Variants in PPIP5K1 observed in about 807,000 individuals in gnomAD.
The protein encoded by PPIP5K1 is inositol hexakisphosphate and diphosphoinositol-pentakisphosphate kinase 1.
A neutral mutation model predicts 27.7 loss-of-function variants in PPIP5K1; 6 were observed. The ratio of observed to expected loss-of-function variants is 0.22; its 90% CI spans 0.12 to 0.43. The LOEUF is 0.43. Ranked by LOEUF, PPIP5K1 falls within the 20% of genes least tolerant of loss-of-function variation. The pLI, the probability that PPIP5K1 is intolerant of heterozygous loss-of-function variation, is 1.00. For missense variants in PPIP5K1, 394 were observed against 635.4 expected, an observed-to-expected ratio of 0.62 and a Z score of 4.08; for synonymous variants, 145 against 242.6, an observed-to-expected ratio of 0.60 and a Z score of 3.74.
chr15:43,541,663 G>T (rs1190781121), intron 30 of PPIP5K1, among the ~76,000 whole-genome samples: 5 of 151,588 alleles, frequency 3.3e-5, no homozygotes, highest in Admixed American at 3.3e-4. Flanking sequence ...GGCAGAGGTT[G>T]CAGTAAGCCA....
At chr15:43,542,176 C>A (rs1466012200) in intron 30 of PPIP5K1, among the ~76,000 whole-genome samples, 2 of 152,096 alleles carry the variant, frequency 1.3e-5, no homozygotes, top group African/African-American at 4.8e-5. Context: ...TACTGAACTA[C>A]AGTTCTCACT....
At chr15:43,579,627 GTGTGTA>G (rs1439014002) in intron 10 of PPIP5K1, among the ~76,000 whole-genome samples, 1 of 59,212 alleles carries the variant, frequency 1.7e-5, no homozygotes, top group Non-Finnish European at 2.6e-5. Context: ...GTGTGTGTGT[GTGTGTA>G]TATATATATA....
chr15:43,539,616 GA>G, intron 30 of PPIP5K1, 33 bp from the exon 31 acceptor site: 3 of 1,343,486 alleles, frequency 2.2e-6, no homozygotes, highest in Admixed American at 2.1e-5. Context: ...GGAGAGGGAA[GA>G]AAAAAAGACA....
intron 30 of PPIP5K1, among the ~76,000 whole-genome samples, chr15:43,547,554 T>C (rs1205988310): frequency 6.6e-6 from 1 of 152,216 alleles, no homozygotes; most frequent in African/African-American, 2.4e-5. Context: ...TAGGGGTGAA[T>C]GAGTTCTTTT....
At chr15:43,556,955 A>G (rs2083041604) in intron 30 of PPIP5K1, among the ~76,000 whole-genome samples, 1 of 152,132 alleles carries the variant, frequency 6.6e-6, no homozygotes. Context: ...AGTTCTCACA[A>G]TGTTGGTTCT....
chr15:43,553,174 T>C (rs1221823638), intron 30 of PPIP5K1, among the ~76,000 whole-genome samples: 1 of 152,248 alleles, frequency 6.6e-6, no homozygotes, highest in African/African-American at 2.4e-5. Flanking sequence ...CTTTTTAAAA[T>C]TTATAGATAC....
rs537938276 is a variant in PPIP5K1 at position 43,539,249 on chromosome 15, T to C, written c.3670+221A>G. 7.3e-5 allele frequency among the ~76,000 whole-genome samples: 11 copies of C among 150,724 alleles called. No homozygotes were observed. The South Asian group carries it at 2.3e-3, about 32-fold the overall frequency. ...ATACTGCAGAAAACCTTCTCTCCAA[T>C]GAAATAGAAGGAACATGGAGAACAG... On this transcript the variant is annotated intron_variant, in intron 31 of 31. Transcript: ENST00000420765.
chr15:43,538,234 T>C (rs2080170025), intron 31 of PPIP5K1, among the ~76,000 whole-genome samples: 1 of 152,152 alleles, frequency 6.6e-6, no homozygotes, highest in African/African-American at 2.4e-5. Flanking sequence ...ATGAAAGGCA[T>C]ATTTGATTTC....
At chr15:43,552,528 T>TAAAAAAAAAA (rs535937209) in intron 30 of PPIP5K1, among the ~76,000 whole-genome samples, 1 of 69,398 alleles carries the variant, frequency 1.4e-5, no homozygotes, top group Non-Finnish European at 3.4e-5. Context: ...TCTGTCTCTA[T>TAAAAAAAAAA]AAAAAAAAAA....
intron 31 of PPIP5K1, 91 bp from the exon 32 acceptor site, chr15:43,535,567 T>G: frequency 2.0e-6 from 2 of 1,024,242 alleles, no homozygotes; most frequent in Non-Finnish European, 2.8e-6. Context: ...ATTGTTGGCC[T>G]ATGCTACTTA....
rs747492516 is a variant in PPIP5K1, at chr15:43,535,340, C to T, written c.3807G>A (p.Gly1269=). 12 of 1,614,168 alleles carry T rather than the reference C, an allele frequency of 7.4e-6. No homozygotes were observed. Among genetic ancestry groups the T allele is most frequent in the Non-Finnish European group, 1.0e-5 (12 of 1,180,034 alleles). Residue 1269 remains glycine, a synonymous_variant, in exon 32 of 32, where the codon GGG becomes GGA. Coordinates refer to ENST00000420765, the MANE Select transcript of PPIP5K1 (RefSeq NM_001394395.1). ...SHVAEEHQGL[G]LLQETPGSGA... ...CACTCCCAGGGGTCTCCTGGAGCAG[C>T]CCAAGGCCTTGATGTTCTTCAGCCA...
chr15:43,535,680 G>A (rs150718053), intron 31 of PPIP5K1, among the ~76,000 whole-genome samples: 9 of 152,286 alleles, frequency 5.9e-5, no homozygotes, highest in African/African-American at 2.2e-4. Context: ...TACTTTGAGA[G>A]TAACAATAAG....
At chr15:43,545,930 A>C (rs1220308193) in intron 30 of PPIP5K1, among the ~76,000 whole-genome samples, 2 of 152,124 alleles carry the variant, frequency 1.3e-5, no homozygotes, top group Non-Finnish European at 2.9e-5. Flanking sequence ...TCCATTAAGA[A>C]GTCAATCCCG....
chr15:43,547,848 T>C (rs2081567740), intron 30 of PPIP5K1, among the ~76,000 whole-genome samples: 1 of 152,248 alleles, frequency 6.6e-6, no homozygotes, highest in Middle Eastern at 3.2e-3. Flanking sequence ...TACAGTTCCC[T>C]ATGAATTAGA....
chr15:43,550,702 C>G (rs1418109457), intron 30 of PPIP5K1, among the ~76,000 whole-genome samples: 1 of 152,136 alleles, frequency 6.6e-6, no homozygotes, highest in African/African-American at 2.4e-5. Flanking sequence ...AGAGGGAAAG[C>G]CTTCAGTGTT....
intron 30 of PPIP5K1, among the ~76,000 whole-genome samples, chr15:43,555,301 G>A (rs911626168): frequency 6.6e-6 from 1 of 151,818 alleles, no homozygotes; most frequent in Non-Finnish European, 1.5e-5. Flanking sequence ...TTTGAGACAC[G>A]GTCTCAGTCT....
intron 31 of PPIP5K1, chr15:43,536,036 G>C: frequency 8.4e-7 from 1 of 1,194,124 alleles, no homozygotes; most frequent in Non-Finnish European, 1.1e-6. Context: ...ATGTATTTCT[G>C]GGGCAGAGGT....
At chr15:43,565,511 G>C (rs969371942) in intron 26 of PPIP5K1, among the ~76,000 whole-genome samples, 1 of 139,928 alleles carries the variant, frequency 7.1e-6, no homozygotes, top group Non-Finnish European at 1.5e-5. Flanking sequence ...CTCCCTTCAG[G>C]CCTTTTGACC....
chr15:43,547,195 C>A (rs921368454), intron 30 of PPIP5K1, among the ~76,000 whole-genome samples: 1 of 152,152 alleles, frequency 6.6e-6, no homozygotes, highest in Non-Finnish European at 1.5e-5. Flanking sequence ...ATTTACATGT[C>A]TTCTTTGGAG....
Sources: allele counts gnomAD v4.1 joint callset (sites outside exome capture counted in the v4.1 genomes callset), GRCh38; gene constraint gnomAD v4.1.1; transcripts MANE v1.5; gene names NCBI Gene and HGNC (gene_info 2026-07-23, HGNC 2026-07-21).